Variants in IL1RAPL2 observed in about 807,000 individuals in gnomAD.
IL1RAPL2 encodes X-linked interleukin-1 receptor accessory protein-like 2.
IL1RAPL2 carries 3 observed loss-of-function variants against 44.1 expected under a neutral mutation model. The ratio of observed to expected loss-of-function variants is 0.07; its 90% CI spans 0.03 to 0.18. The LOEUF is 0.18. Ranked by LOEUF, IL1RAPL2 falls within the 10% of genes least tolerant of loss-of-function variation. The pLI, the probability that IL1RAPL2 is intolerant of heterozygous loss-of-function variation, is 1.00. For missense variants in IL1RAPL2, 391 were observed against 496.4 expected, an observed-to-expected ratio of 0.79 and a Z score of 2.02; for synonymous variants, 181 against 178.8, an observed-to-expected ratio of 1.01 and a Z score of -0.10.
chrX:105,203,630 TA>T lies in IL1RAPL2; in HGVS notation c.356+7886del, dbSNP rs1183746403. Reference sequence around the variant, plus strand: ...TCAAACTCTTCCAAACCTGCTCTTATAAAAGTGTCCAATGACCACAACAATA... The same window carrying T: ...TCAAACTCTTCCAAACCTGCTCTTATAAAGTGTCCAATGACCACAACAATA... On this transcript the variant is annotated intron_variant, in intron 3 of 10. Transcript: ENST00000372582. Among the ~76,000 whole-genome samples, 42 of 112,292 alleles carry T rather than the reference TA, an allele frequency of 3.7e-4. 1 individual carries two copies. Among genetic ancestry groups the T allele is most frequent in the Admixed American group, 3.5e-3 (37 of 10,583 alleles).
At chrX:105,719,019 C>G (rs1235847642) in intron 7 of IL1RAPL2, among the ~76,000 whole-genome samples, 2 of 111,347 alleles carry the variant, frequency 1.8e-5, no homozygotes, top group Non-Finnish European at 3.8e-5. Context: ...ACCTCATATA[C>G]TGCTGGTAGG....
intron 2 of IL1RAPL2, among the ~76,000 whole-genome samples, chrX:104,774,077 T>G (rs1022957454): frequency 8.9e-6 from 1 of 111,955 alleles, no homozygotes; most frequent in Non-Finnish European, 1.9e-5. Flanking sequence ...TTTTTCTCTT[T>G]AAATGGTAGT....
intron 6 of IL1RAPL2, among the ~76,000 whole-genome samples, chrX:105,662,002 A>C (rs774136440): frequency 8.9e-6 from 1 of 112,702 alleles, no homozygotes; most frequent in East Asian, 2.8e-4. Context: ...TGGCAGCAAT[A>C]GAAATAGATT....
chrX:105,417,263 C>T (rs1346537886), intron 5 of IL1RAPL2, among the ~76,000 whole-genome samples: 1 of 112,215 alleles, frequency 8.9e-6, no homozygotes, highest in Non-Finnish European at 1.9e-5. Context: ...TACCTGAAGT[C>T]AGGAGTTCAA....
At chrX:105,588,221 G>A (rs1295799890) in intron 6 of IL1RAPL2, among the ~76,000 whole-genome samples, 1 of 110,162 alleles carries the variant, frequency 9.1e-6, no homozygotes, top group African/African-American at 3.3e-5. Flanking sequence ...TATAGTTTCT[G>A]CAAGATGTTA....
intron 2 of IL1RAPL2, among the ~76,000 whole-genome samples, chrX:105,100,113 A>G (rs989832292): frequency 8.9e-6 from 1 of 112,002 alleles, no homozygotes; most frequent in African/African-American, 3.3e-5. Context: ...AGATTTTATT[A>G]TTAGTTATTG....
At chrX:105,496,959 T>G (rs1003603993) in intron 6 of IL1RAPL2, among the ~76,000 whole-genome samples, 4 of 111,827 alleles carry the variant, frequency 3.6e-5, no homozygotes, top group African/African-American at 1.3e-4. Context: ...CTTTACAGAT[T>G]ACTACTCTGC....
chrX:104,762,836 TA>T, intron 2 of IL1RAPL2, among the ~76,000 whole-genome samples: 1 of 111,800 alleles, frequency 8.9e-6, no homozygotes, highest in East Asian at 2.9e-4. Context: ...GTCCTGAGAC[TA>T]CACAAAGCAG....
At chrX:104,575,146 TATA>T (rs1928220475) in intron 1 of IL1RAPL2, among the ~76,000 whole-genome samples, 2 of 110,938 alleles carry the variant, frequency 1.8e-5, no homozygotes, top group South Asian at 7.6e-4. Flanking sequence ...ATAACTAAAA[TATA>T]ATAAAAGTAA....
At chrX:105,132,162 G>GA (rs764917479) in intron 2 of IL1RAPL2, among the ~76,000 whole-genome samples, 3,984 of 90,245 alleles carry the variant, frequency 0.044, 197 homozygotes, top group African/African-American at 0.15. Flanking sequence ...AAAGAATCAA[G>GA]AAAAAAAAAA....
intron 1 of IL1RAPL2, among the ~76,000 whole-genome samples, chrX:104,612,691 T>G (rs200177247): frequency 1.9e-5 from 1 of 53,880 alleles, no homozygotes; most frequent in African/African-American, 4.5e-5. Context: ...TTTTGAATAG[T>G]TTTTTTTTCT....
At chrX:105,752,348 T>C (rs2038604065) in intron 9 of IL1RAPL2, among the ~76,000 whole-genome samples, 2 of 112,537 alleles carry the variant, frequency 1.8e-5, no homozygotes, top group Admixed American at 1.9e-4. Context: ...AATGGCTTCT[T>C]GATAGGGAAC....
chrX:104,665,856 G>T (rs1448036995), intron 2 of IL1RAPL2, among the ~76,000 whole-genome samples: 2 of 111,213 alleles, frequency 1.8e-5, no homozygotes, highest in Non-Finnish European at 1.9e-5. Context: ...TGCGAGGAGT[G>T]CCCTATTACA....
intron 2 of IL1RAPL2, among the ~76,000 whole-genome samples, chrX:105,042,362 A>C (rs1371158494): frequency 9.0e-6 from 1 of 110,908 alleles, no homozygotes; most frequent in African/African-American, 3.3e-5. Context: ...ATCTGCAATG[A>C]ACTCAAACAA....
intron 5 of IL1RAPL2, among the ~76,000 whole-genome samples, chrX:105,446,542 TG>T (rs2147757934): frequency 9.0e-6 from 1 of 111,160 alleles, no homozygotes; most frequent in African/African-American, 3.3e-5. Context: ...TCTTGATTTT[TG>T]TTTTTTGTGT....
chrX:105,474,940 A>G (rs2036188564), intron 5 of IL1RAPL2, among the ~76,000 whole-genome samples: 1 of 111,229 alleles, frequency 9.0e-6, no homozygotes, highest in African/African-American at 3.3e-5. Flanking sequence ...CCTTGGACTC[A>G]AGGGTGAGAT....
intron 3 of IL1RAPL2, among the ~76,000 whole-genome samples, chrX:105,216,543 G>A (rs2033859797): frequency 1.8e-5 from 2 of 110,314 alleles, no homozygotes; most frequent in Non-Finnish European, 3.8e-5. Context: ...TATAGATTCA[G>A]TGCTATTCCC....
intron 2 of IL1RAPL2, among the ~76,000 whole-genome samples, chrX:105,054,227 C>T (rs1419445657): frequency 2.7e-5 from 3 of 110,315 alleles, no homozygotes; most frequent in Non-Finnish European, 3.8e-5. Context: ...CTTTGGGATG[C>T]GGGAGGGAGC....
rs183957808 is a variant in IL1RAPL2 at position 105,289,287 on chromosome X, A to G, written c.697+21746A>G. Among the ~76,000 whole-genome samples, 970 of 110,594 alleles carry G rather than the reference A, an allele frequency of 8.8e-3. 10 individuals are homozygous for G. Among genetic ancestry groups the G allele is most frequent in the Non-Finnish European group, 0.013 (687 of 52,902 alleles). On this transcript the variant is annotated intron_variant, in intron 5 of 10. Coordinates refer to ENST00000372582, the MANE Select transcript of IL1RAPL2 (RefSeq NM_017416.2). Reference sequence around the variant, plus strand: ...CAGATCATGTAGGGCTATGCAGGCCATTGTAAAGAGTTTGGCTTTCACTCT... The same window carrying G: ...CAGATCATGTAGGGCTATGCAGGCCGTTGTAAAGAGTTTGGCTTTCACTCT...
Sources: allele counts gnomAD v4.1 joint callset (sites outside exome capture counted in the v4.1 genomes callset), GRCh38; gene constraint gnomAD v4.1.1; transcripts MANE v1.5; gene names NCBI Gene and HGNC (gene_info 2026-07-23, HGNC 2026-07-21).